Variants in PFKFB1 observed in about 807,000 individuals in gnomAD.
PFKFB1 encodes the protein 6-phosphofructo-2-kinase/fructose-2,6-biphosphatase 1.
In PFKFB1, 34 loss-of-function variants were observed where a neutral mutation model predicts 46.4. That is an observed-to-expected ratio of 0.73 (90% CI 0.56 to 0.98). The LOEUF is 0.98. PFKFB1 is among the 50% of genes least tolerant of loss of function. The pLI, the probability that PFKFB1 is intolerant of heterozygous loss-of-function variation, is 0.00. For synonymous variants in PFKFB1, 119 were observed against 133.8 expected, an observed-to-expected ratio of 0.89 and a Z score of 0.76; for missense variants, 393 against 376.3, an observed-to-expected ratio of 1.04 and a Z score of -0.37.
chrX:54,992,034 T>G (rs1372805670), intron 1 of PFKFB1, among the ~76,000 whole-genome samples: 1 of 111,544 alleles, frequency 9.0e-6, no homozygotes, highest in Non-Finnish European at 1.9e-5. Flanking sequence ...AACCAGACAT[T>G]GTCCAGACTT....
intron 1 of PFKFB1, among the ~76,000 whole-genome samples, chrX:54,980,208 CAAAATAGAT>C (rs1180376742): frequency 9.0e-6 from 1 of 111,032 alleles, no homozygotes; most frequent in Non-Finnish European, 1.9e-5. Flanking sequence ...CAGAAACAGA[CAAAATAGAT>C]GTTTGCTGTT....
chrX:54,934,798 G>A, intron 12 of PFKFB1, 149 bp downstream of exon 12: 1 of 482,459 alleles, frequency 2.1e-6, no homozygotes. Flanking sequence ...ACTACCATCA[G>A]TCCCACCCCC....
At chrX:54,974,654 G>C (rs1355915334) in intron 1 of PFKFB1, among the ~76,000 whole-genome samples, 1 of 111,929 alleles carries the variant, frequency 8.9e-6, no homozygotes, top group Non-Finnish European at 1.9e-5. Context: ...ATAATCAGCA[G>C]AGTAAACAGA....
intron 12 of PFKFB1, among the ~76,000 whole-genome samples, chrX:54,934,162 T>A (rs1298983647): frequency 1.2e-4 from 13 of 112,109 alleles, no homozygotes; most frequent in Non-Finnish European, 2.4e-4. Context: ...GGGATGGAGA[T>A]GAGAGATGAA....
chrX:54,950,764 G>T (rs1933947020), intron 8 of PFKFB1, among the ~76,000 whole-genome samples: 1 of 112,493 alleles, frequency 8.9e-6, no homozygotes, highest in Non-Finnish European at 1.9e-5. Context: ...TACCTCGAGG[G>T]GAGGCTGTCA....
chrX:54,961,671 T>TAAACCA (rs1279131876), intron 2 of PFKFB1, among the ~76,000 whole-genome samples: 1 of 111,135 alleles, frequency 9.0e-6, no homozygotes, highest in Non-Finnish European at 1.9e-5. Flanking sequence ...AGACAGTGAG[T>TAAACCA]AAACCAGTAA....
chrX:54,934,419 T>C (rs993291198), intron 12 of PFKFB1, among the ~76,000 whole-genome samples: 8 of 111,172 alleles, frequency 7.2e-5, no homozygotes, highest in African/African-American at 9.8e-5. Context: ...GGGTGCATCA[T>C]TGGGGCTTGG....
chrX:54,950,194 G>A (rs938155598), intron 8 of PFKFB1, among the ~76,000 whole-genome samples: 1 of 112,488 alleles, frequency 8.9e-6, no homozygotes, highest in Non-Finnish European at 1.9e-5. Context: ...AGCTATAGGC[G>A]TTTCATACAT....
At chrX:54,983,545 C>T (rs946094488) in intron 1 of PFKFB1, among the ~76,000 whole-genome samples, 4 of 112,285 alleles carry the variant, frequency 3.6e-5, no homozygotes, top group African/African-American at 1.3e-4. Flanking sequence ...ACACATACTA[C>T]ATTTTCTTTA....
chrX:54,964,236 A>C (rs1934405192), intron 1 of PFKFB1, among the ~76,000 whole-genome samples: 1 of 110,997 alleles, frequency 9.0e-6, no homozygotes, highest in Non-Finnish European at 1.9e-5. Flanking sequence ...TGTGAAGGTC[A>C]TACCTCCAAC....
chrX:54,966,508 G>C (rs992488248), intron 1 of PFKFB1, among the ~76,000 whole-genome samples: 22 of 111,941 alleles, frequency 2.0e-4, no homozygotes, highest in African/African-American at 6.8e-4. Context: ...AAAATTCGGA[G>C]AGTGGGGGAA....
chrX:54,964,906 T>C (rs1024108551), intron 1 of PFKFB1, among the ~76,000 whole-genome samples: 2 of 111,224 alleles, frequency 1.8e-5, no homozygotes, highest in African/African-American at 6.5e-5. Flanking sequence ...GAAGACTATC[T>C]TTGATGTGCT....
rs1934288636 is a variant in PFKFB1 at position 54,960,838 on chromosome X, G to C, written c.303C>G (p.Ala101=). 1 of 1,175,139 alleles carries C rather than the reference G, an allele frequency of 8.5e-7. No individual in the cohort carries two copies. The highest frequency in any genetic ancestry group is 1.2e-6 in the Non-Finnish European group (1 of 867,322). ...YEFFLPDNME[A]LQIRKQCALA... is the part of the protein sequence containing the mutation. ...TGGGTACTTACTTCCTGATTTGCAG[G>C]GCTTCCATGTTGTCTGGAAGAAAGA... is the stretch of plus-strand genomic sequence containing the variant. The change falls in exon 3 of 14, where the codon GCC becomes GCG. Residue 101 remains alanine, a synonymous_variant. Coordinates refer to ENST00000375006, the MANE Select transcript of PFKFB1 (RefSeq NM_002625.4).
chrX:54,974,669 C>T (rs1273290134), intron 1 of PFKFB1, among the ~76,000 whole-genome samples: 1 of 111,751 alleles, frequency 8.9e-6, no homozygotes, highest in Non-Finnish European at 1.9e-5. Flanking sequence ...AACAGACAAC[C>T]AACAGAGTGG....
At chrX:54,968,391 C>T (rs1197260555) in intron 1 of PFKFB1, among the ~76,000 whole-genome samples, 1 of 107,435 alleles carries the variant, frequency 9.3e-6, no homozygotes, top group East Asian at 3.0e-4. Flanking sequence ...TTAGTGGGTG[C>T]AGCACACCAG....
chrX:54,939,659 C>T (rs996576443), intron 10 of PFKFB1, among the ~76,000 whole-genome samples: 6 of 111,815 alleles, frequency 5.4e-5, no homozygotes, highest in Non-Finnish European at 1.1e-4. Flanking sequence ...TGGATAAATT[C>T]CTGGACACAT....
At chrX:54,997,507 C>T (rs189762191), upstream of PFKFB1, among the ~76,000 whole-genome samples, 4 of 111,486 alleles carry the variant, frequency 3.6e-5, no homozygotes, top group Admixed American at 9.5e-5. Flanking sequence ...GCATGTGTAT[C>T]GGGGGAGAAT....
chrX:54,954,334 G>A (rs1934072050), intron 7 of PFKFB1, among the ~76,000 whole-genome samples: 1 of 101,876 alleles, frequency 9.8e-6, no homozygotes, highest in Non-Finnish European at 1.9e-5. Context: ...GCCAACATGG[G>A]AAACCCTATC....
At chrX:54,993,734 T>C (rs1326580122) in intron 1 of PFKFB1, among the ~76,000 whole-genome samples, 177 bp downstream of exon 1, 1 of 111,545 alleles carries the variant, frequency 9.0e-6, no homozygotes, top group Non-Finnish European at 1.9e-5. Context: ...CCGCCTGTCT[T>C]CTCTCTCATT....
Sources: gnomAD v4.1 joint callset for allele counts (sites outside exome capture counted in the v4.1 genomes callset) on GRCh38, gnomAD v4.1.1 for gene constraint, MANE v1.5 for transcripts, NCBI Gene and HGNC (gene_info 2026-07-23, HGNC 2026-07-21) for gene names.